Variants in TIMM44 observed in about 807,000 individuals in gnomAD.
TIMM44 encodes mitochondrial import inner membrane translocase subunit TIM44.
In TIMM44, 37 loss-of-function variants were observed where a neutral mutation model predicts 63.8. That is an observed-to-expected ratio of 0.58 (90% CI 0.45 to 0.76). The LOEUF (loss-of-function observed/expected upper bound fraction) is 0.76. TIMM44 is among the 30% of genes least tolerant of loss of function. The probability of loss-of-function intolerance (pLI) is 0.00; values close to 1 mark genes in which losing one functional copy is unlikely to be tolerated. For missense variants in TIMM44, 573 were observed against 603.8 expected (o/e 0.95, Z 0.54); for synonymous variants, 239 against 245.1 (o/e 0.98, Z 0.23).
rs756615799 is a variant in TIMM44 at position 7,928,032 on chromosome 19, T to A, written c.1128+45A>T. ...TCCTGGGCCTTGTCTGGGCCATAGT[T>A]CCCACCCCCGATGGTGGCCCGGGCC... On this transcript the variant is annotated intron_variant, in intron 11 of 12. Coordinates refer to ENST00000270538, the MANE Select transcript of TIMM44 (RefSeq NM_006351.4). The A allele has an allele frequency of 5.7e-6, 9 of 1,567,742 alleles. No individual in the cohort carries two copies. In the South Asian group the frequency reaches 7.9e-5, roughly 14 times the overall value.
Position 7,934,242 on chromosome 19 carries a change from C to T in TIMM44, c.394-4G>A, listed in dbSNP as rs749728114. On this transcript the variant is annotated splice_region_variant and splice_polypyrimidine_tract_variant and intron_variant, in intron 4 of 12. Coordinates refer to ENST00000270538, the MANE Select transcript of TIMM44 (RefSeq NM_006351.4). This position sits in a 1 kb window ranked among gnomAD's most constrained non-coding sequence, Gnocchi z 5.3. ...TTTTACTGACTTCGTGAAGGCTCTA[C>T]TGAGACAGACACAGAGAGGGGGCGT... is the stretch of plus-strand genomic sequence containing the variant. The T allele has an allele frequency of 5.6e-6, 9 of 1,611,334 alleles. No individual in the cohort carries two copies. The highest frequency in any genetic ancestry group is 6.8e-6 in the Non-Finnish European group (8 of 1,179,958).
chr19:7,937,856 A>G, intron 3 of TIMM44, 171 bp downstream of exon 3: 1 of 767,288 alleles, frequency 1.3e-6, no homozygotes, highest in Admixed American at 2.1e-5. Flanking sequence ...CTTCACTACT[A>G]AAAATACAAA....
chr19:7,930,507 A>G (rs1482412559), intron 10 of TIMM44, among the ~76,000 whole-genome samples: 1 of 151,548 alleles, frequency 6.6e-6, no homozygotes, highest in Non-Finnish European at 1.5e-5. Context: ...GGGTTTCACC[A>G]TGTTGCCCAG....
Position 7,938,159 on chromosome 19 carries a change from C to T in TIMM44, c.180G>A (p.Leu60=). ...GTTTGACATTATCTAGCAAGCCGGACAGAAAGCCTTTTCTGTTTCCAGAAG... is the reference window on the plus strand; with the variant it reads ...GTTTGACATTATCTAGCAAGCCGGATAGAAAGCCTTTTCTGTTTCCAGAAG... ...SYSSGNRKGF[L]SGLLDNVKQE... The change falls in exon 3 of 13, where the codon CTG becomes CTA. Residue 60 remains leucine, a synonymous_variant. Coordinates refer to ENST00000270538, the MANE Select transcript of TIMM44 (RefSeq NM_006351.4). 1 of 1,613,598 alleles carries T rather than the reference C, an allele frequency of 6.2e-7. No individual in the cohort carries two copies. Among genetic ancestry groups the T allele is most frequent in the Non-Finnish European group, 8.5e-7 (1 of 1,179,956 alleles).
chr19:7,935,190 G>A lies in TIMM44; in HGVS notation c.313-45C>T, dbSNP rs374275409. On this transcript the variant is annotated intron_variant, in intron 3 of 12. Coordinates refer to ENST00000270538, the MANE Select transcript of TIMM44 (RefSeq NM_006351.4). ...TCCTTTTTTTTTTTTTTTTTTTTGA[G>A]ACAATGTCTCCGTTGCCGAGGCTGG... 842 of 1,388,638 alleles carry A rather than the reference G, an allele frequency of 6.1e-4. 5 individuals carry two copies. The highest frequency in any genetic ancestry group is 6.0e-3 in the Middle Eastern group (28 of 4,652). 86.0% of individuals were successfully genotyped at this position (1,388,638 alleles called of 1,614,324 possible).
At chr19:7,928,363 G>A in intron 10 of TIMM44, 197 bp from the exon 11 acceptor site, 2 of 595,026 alleles carry the variant, frequency 3.4e-6, no homozygotes, top group East Asian at 2.8e-5. Flanking sequence ...CCACTCCTGG[G>A]AACAACACTC....
At chr19:7,931,245 C>A (rs959597222) in intron 9 of TIMM44, 57 bp from the exon 10 acceptor site, 23 of 1,522,766 alleles carry the variant, frequency 1.5e-5, no homozygotes, top group Non-Finnish European at 2.1e-5. Flanking sequence ...AGGCAGCAGG[C>A]GAGGTCCTGG....
chr19:7,933,915 G>A lies in TIMM44; in HGVS notation c.632C>T (p.Thr211Met), dbSNP rs375561583. The A allele has an allele frequency of 1.4e-5, 23 of 1,614,022 alleles. No individual in the cohort carries two copies. In the Middle Eastern group the frequency reaches 6.6e-4, roughly 46 times the overall value. The change falls in exon 6 of 13, where the codon ACG (threonine) becomes ATG (methionine). Residue 211 changes from threonine (T) to methionine (M), a missense_variant. Thr to Met is a moderately conservative substitution (Grantham distance 81). Coordinates refer to ENST00000270538, the MANE Select transcript of TIMM44 (RefSeq NM_006351.4). The surrounding 1 kb of genome is among the most constrained non-coding windows in gnomAD (Gnocchi z 4.3). Reference protein sequence around the residue: ...YRRPQRLRKRTEFAGDKFKEE... With the variant: ...YRRPQRLRKRMEFAGDKFKEE... ...CTTGAACTTATCTCCCGCAAACTCC[G>A]TTCTCTTCCGGAGTCGCTGGGGCCT...
At chr19:7,927,854 TAGG>T (rs538957294) in intron 11 of TIMM44, 87 bp from the exon 12 acceptor site, 113 of 1,396,416 alleles carry the variant, frequency 8.1e-5, no homozygotes, top group African/African-American at 7.4e-4. Context: ...TAGGCCCTGC[TAGG>T]AGAAGGCTCC....
In TIMM44 at chr19:7,927,649, T is replaced by TC; in HGVS notation, c.1239+7dup. The TC allele has an allele frequency of 6.2e-7, 1 of 1,612,476 alleles. No individual in the cohort carries two copies. The highest frequency in any genetic ancestry group is 1.1e-5 in the South Asian group (1 of 91,074). The stretch of plus-strand genomic sequence containing the variant: ...CATGTGCCTGCCCCATCCCACTCCC[T>TC]CACTCACCGGGTCACCCTCCACCAC... On this transcript the variant is annotated splice_region_variant and intron_variant, in intron 12 of 12. Coordinates refer to ENST00000270538, the MANE Select transcript of TIMM44 (RefSeq NM_006351.4).
intron 12 of TIMM44, 175 bp downstream of exon 12, chr19:7,927,482 G>A: frequency 9.9e-7 from 1 of 1,006,680 alleles, no homozygotes. Flanking sequence ...AAAACAGACA[G>A]GTCTGCTGGT....
Position 7,934,952 on chromosome 19 carries a change from G to T in TIMM44, c.393+113C>A, listed in dbSNP as rs1984101510. 4.2e-6 allele frequency: 4 copies of T among 941,838 alleles called. No individual in the cohort carries two copies. Among genetic ancestry groups the T allele is most frequent in the African/African-American group, 1.6e-5 (1 of 61,190 alleles). The allele number at this position is 941,838 out of a possible 1,614,324, so 58.3% of individuals were successfully genotyped here. A position where few individuals can be genotyped will look rare whatever the true frequency, so the allele number is the denominator to read the frequency against. On this transcript the variant is annotated intron_variant, in intron 4 of 12. Transcript: ENST00000270538. The surrounding 1 kb of genome is among the most constrained non-coding windows in gnomAD (Gnocchi z 5.3). ...TCCCGAGGGTGGCAGCACGCCCCAT[G>T]CCACCCACTGCTGCCAAGCCACCCC...
intron 2 of TIMM44, among the ~76,000 whole-genome samples, chr19:7,940,083 G>C (rs955895127): frequency 3.9e-5 from 6 of 152,064 alleles, no homozygotes; most frequent in African/African-American, 1.4e-4. Flanking sequence ...CCAGCCTGGT[G>C]CTCAGGCCCC....
chr19:7,929,104 C>T (rs1220803711), intron 10 of TIMM44, among the ~76,000 whole-genome samples: 1 of 152,000 alleles, frequency 6.6e-6, no homozygotes, highest in Non-Finnish European at 1.5e-5. Flanking sequence ...TCGCTTAATA[C>T]GAAGAAGCCA....
chr19:7,931,585 G>A (rs1274495323), intron 9 of TIMM44: 3 of 257,740 alleles, frequency 1.2e-5, no homozygotes, highest in Admixed American at 5.0e-5. Flanking sequence ...CCCCCCAGGG[G>A]ACCACATTTC....
chr19:7,939,690 C>T (rs1384234962), intron 2 of TIMM44, among the ~76,000 whole-genome samples: 3 of 149,816 alleles, frequency 2.0e-5, no homozygotes, highest in African/African-American at 4.9e-5. Flanking sequence ...CCGAGGTGGG[C>T]GGATCACTTG....
intron 9 of TIMM44, chr19:7,932,394 G>A: frequency 1.7e-6 from 1 of 587,550 alleles, no homozygotes; most frequent in Non-Finnish European, 3.0e-6. Flanking sequence ...GGCAGGAGGA[G>A]TGAGGGAAAC....
intron 3 of TIMM44, among the ~76,000 whole-genome samples, chr19:7,937,621 C>T (rs560274171): frequency 4.1e-4 from 63 of 152,358 alleles, no homozygotes; most frequent in African/African-American, 1.4e-3. Context: ...CTCACTTCCT[C>T]ACGAGCCACC....
rs1599653582 is a variant in TIMM44, at chr19:7,943,227, G to T, written c.45+380C>A. ...AAGAAACGAGACAAGAAATGCTCTC[G>T]GTAGAGAACTTGGCATTTAACCGCG... On this transcript the variant is annotated intron_variant, in intron 1 of 12. Coordinates refer to ENST00000270538, the MANE Select transcript of TIMM44 (RefSeq NM_006351.4). The surrounding 1 kb of genome is among the most constrained non-coding windows in gnomAD (Gnocchi z 4.3). Among the ~76,000 whole-genome samples, 1 of 152,016 alleles carries T rather than the reference G, an allele frequency of 6.6e-6. No homozygotes were observed. The highest frequency in any genetic ancestry group is 1.5e-5 in the Non-Finnish European group (1 of 68,016).
Sources: allele counts gnomAD v4.1 joint callset (sites outside exome capture counted in the v4.1 genomes callset), GRCh38; gene constraint gnomAD v4.1.1; non-coding constraint Gnocchi (gnomAD v3.1); transcripts MANE v1.5; gene names NCBI Gene and HGNC (gene_info 2026-07-23, HGNC 2026-07-21).